The following RANBP2 variants were observed in gnomAD, a reference collection of about 807,000 sequenced individuals.
RANBP2 encodes E3 SUMO-protein ligase RanBP2.
Under a neutral mutation model 303.6 loss-of-function variants are expected in RANBP2, and 57 were observed. That is an observed-to-expected ratio of 0.19 (90% CI 0.15 to 0.23). The LOEUF is 0.23. Among genes scored for constraint, RANBP2 ranks in the 10% least tolerant of loss-of-function variants. The pLI is 1.00. For missense variants in RANBP2, 3,138 were observed against 3,780.8 expected, an observed-to-expected ratio of 0.83 and a Z score of 4.46; for synonymous variants, 1,167 against 1,301.5, an observed-to-expected ratio of 0.90 and a Z score of 2.23.
At chr2:109,555,726 C>T in the RANBP2 span, among the ~76,000 whole-genome samples, 3 of 152,170 alleles carry the variant, frequency 2.0e-5, no homozygotes, top group Non-Finnish European at 4.4e-5. Flanking sequence ...CCAATCGTTA[C>T]CTCTTCCTCC....
chr2:109,355,798 T>A, the RANBP2 span, among the ~76,000 whole-genome samples: 1 of 152,246 alleles, frequency 6.6e-6, no homozygotes, highest in South Asian at 2.1e-4. Flanking sequence ...ACAAAGCCCA[T>A]TTGGTGTTTT....
At chr2:109,055,527 A>ATTTTCTTTTC in the RANBP2 span, among the ~76,000 whole-genome samples, 5 of 151,108 alleles carry the variant, frequency 3.3e-5, no homozygotes, top group East Asian at 2.0e-4. Flanking sequence ...TGTCCGGCTA[A>ATTTTCTTTTC]TTTTCTTTTC....
Position 108,753,426 on chromosome 2 carries a change from G to A in RANBP2, c.1918G>A (p.Ala640Thr). The change falls in exon 14 of 29, where the codon GCA becomes ACA. Residue 640 changes from alanine to threonine, a missense_variant and splice_region_variant. Ala to Thr is a moderately conservative substitution (Grantham distance 58). This residue lies in a region of RANBP2 where 162 missense variants were observed against 286.9 expected (regional missense o/e 0.56). Transcript: ENST00000283195. ...FKHFHSVDIQ[A>T]SEIVEYEEDA... The stretch of plus-strand genomic sequence containing the variant: ...ACTAAAAACTATTCTGTGTGTTTAG[G>A]CATCAGAAATTGTTGAATATGAAGA... The A allele has an allele frequency of 6.2e-7, 1 of 1,611,596 alleles. No individual in the cohort carries two copies. The highest frequency in any genetic ancestry group is 1.7e-5 in the Admixed American group (1 of 59,998).
chr2:108,770,172 T>A (rs538242331), intron 20 of RANBP2, among the ~76,000 whole-genome samples: 1 of 152,312 alleles, frequency 6.6e-6, no homozygotes, highest in South Asian at 2.1e-4. Context: ...TTGTTTTGAA[T>A]CTGATAATGT....
At chr2:108,742,691 A>C (rs1266277744) in intron 7 of RANBP2, among the ~76,000 whole-genome samples, 1 of 152,236 alleles carries the variant, frequency 6.6e-6, no homozygotes, top group African/African-American at 2.4e-5. Flanking sequence ...TTCATAAGGA[A>C]TTGGATTAGT....
At chr2:109,416,469 C>T in the RANBP2 span, among the ~76,000 whole-genome samples, 1 of 152,168 alleles carries the variant, frequency 6.6e-6, no homozygotes, top group East Asian at 1.9e-4. Flanking sequence ...ACTGCAACTT[C>T]CGCCTCCTGG....
the RANBP2 span, among the ~76,000 whole-genome samples, chr2:109,245,757 T>C: frequency 6.6e-6 from 1 of 152,234 alleles, no homozygotes; most frequent in Non-Finnish European, 1.5e-5. Flanking sequence ...TCATTTTTGC[T>C]ATAATTCCTG....
chr2:109,633,583 C>T, the RANBP2 span, among the ~76,000 whole-genome samples: 1 of 152,076 alleles, frequency 6.6e-6, no homozygotes, highest in African/African-American at 2.4e-5. Flanking sequence ...AAGAAGGGGC[C>T]ATCCAGCAGG....
chr2:109,244,506 T>A, the RANBP2 span, among the ~76,000 whole-genome samples: 1 of 152,176 alleles, frequency 6.6e-6, no homozygotes, highest in Non-Finnish European at 1.5e-5. Context: ...AATGTGAGAT[T>A]GAAAATTAAA....
chr2:109,460,051 C>A, the RANBP2 span, among the ~76,000 whole-genome samples: 1 of 152,228 alleles, frequency 6.6e-6, no homozygotes, highest in Admixed American at 6.5e-5. Context: ...TTCTGTCAAG[C>A]CAGCTGCCAG....
the RANBP2 span, among the ~76,000 whole-genome samples, chr2:109,640,272 C>T: frequency 4.0e-5 from 6 of 151,668 alleles, no homozygotes; most frequent in African/African-American, 9.7e-5. Context: ...GCCAACATGG[C>T]GAAATCCCGT....
the RANBP2 span, among the ~76,000 whole-genome samples, chr2:108,879,929 T>C: frequency 6.6e-6 from 1 of 152,220 alleles, no homozygotes; most frequent in Non-Finnish European, 1.5e-5. Flanking sequence ...AGAAGATTTT[T>C]ATTTTCAGCA....
At chr2:108,952,050 C>T in the RANBP2 span, among the ~76,000 whole-genome samples, 1 of 152,170 alleles carries the variant, frequency 6.6e-6, no homozygotes, top group Non-Finnish European at 1.5e-5. Flanking sequence ...CTTGTTACTG[C>T]TTTGTTTTTT....
At chr2:109,155,179 A>G in the RANBP2 span, among the ~76,000 whole-genome samples, 34 of 152,230 alleles carry the variant, frequency 2.2e-4, no homozygotes, top group East Asian at 6.4e-3. Flanking sequence ...GCAAACTACA[A>G]CTTGCTATGC....
At chr2:108,938,284 T>C in the RANBP2 span, among the ~76,000 whole-genome samples, 1 of 152,240 alleles carries the variant, frequency 6.6e-6, no homozygotes, top group Non-Finnish European at 1.5e-5. Flanking sequence ...AGTCGTGGCC[T>C]AAAAACATTT....
At chr2:109,657,226 G>T in the RANBP2 span, among the ~76,000 whole-genome samples, 1 of 152,118 alleles carries the variant, frequency 6.6e-6, no homozygotes, top group Non-Finnish European at 1.5e-5. Flanking sequence ...CAGGCAGACT[G>T]CTTGAGGTCA....
chr2:108,724,805 T>G (rs1230970778), intron 1 of RANBP2, among the ~76,000 whole-genome samples: 1 of 151,798 alleles, frequency 6.6e-6, no homozygotes, highest in African/African-American at 2.4e-5. Context: ...CTCATTGTCC[T>G]GTATAATCGC....
the RANBP2 span, among the ~76,000 whole-genome samples, chr2:108,805,660 G>A: frequency 6.6e-6 from 1 of 152,026 alleles, no homozygotes; most frequent in Non-Finnish European, 1.5e-5. Context: ...CCAGGAGGCG[G>A]AGCTTGCAGT....
chr2:108,866,880 GAA>G, the RANBP2 span, among the ~76,000 whole-genome samples: 5 of 139,626 alleles, frequency 3.6e-5, no homozygotes, highest in African/African-American at 5.2e-5. Context: ...AAGACTGTCT[GAA>G]AAAAAAAAAG....
Sources: allele counts gnomAD v4.1 joint callset (sites outside exome capture counted in the v4.1 genomes callset), GRCh38; gene constraint gnomAD v4.1.1; regional missense constraint gnomAD v4.1.1; transcripts MANE v1.5; gene names NCBI Gene and HGNC (gene_info 2026-07-23, HGNC 2026-07-21).